IL1RAPL2: variants seen among roughly 807,000 people sequenced by gnomAD.
IL1RAPL2 encodes the protein interleukin 1 receptor accessory protein like 2, also known as X-linked interleukin-1 receptor accessory protein-like 2.
A neutral mutation model predicts 44.1 loss-of-function variants in IL1RAPL2; 3 were observed. The ratio of observed to expected loss-of-function variants is 0.07; its 90% CI spans 0.03 to 0.18. IL1RAPL2 has a LOEUF of 0.18. Among genes scored for constraint, IL1RAPL2 ranks in the 10% least tolerant of loss-of-function variants. IL1RAPL2 has a pLI of 1.00. For missense variants in IL1RAPL2, 391 were observed against 496.4 expected, an observed-to-expected ratio of 0.79 and a Z score of 2.02; for synonymous variants, 181 against 178.8, an observed-to-expected ratio of 1.01 and a Z score of -0.10.
intron 2 of IL1RAPL2, among the ~76,000 whole-genome samples, chrX:105,109,353 G>A (rs995279982): frequency 6.2e-5 from 7 of 112,004 alleles, no homozygotes; most frequent in Non-Finnish European, 7.5e-5. Flanking sequence ...CGTAGACACT[G>A]CCCACATCTG....
At chrX:104,585,076 A>G (rs1020287498) in intron 1 of IL1RAPL2, among the ~76,000 whole-genome samples, 1 of 96,898 alleles carries the variant, frequency 1.0e-5, no homozygotes, top group African/African-American at 3.8e-5. Context: ...TTTGGAATCA[A>G]TCCTTCCACA....
At chrX:105,005,934 A>T (rs1383367031) in intron 2 of IL1RAPL2, among the ~76,000 whole-genome samples, 2 of 110,829 alleles carry the variant, frequency 1.8e-5, no homozygotes, top group African/African-American at 6.5e-5. Flanking sequence ...TCCAAAAGTA[A>T]TAATTTCTGA....
At chrX:105,541,529 G>T (rs1036348029) in intron 6 of IL1RAPL2, among the ~76,000 whole-genome samples, 1 of 111,472 alleles carries the variant, frequency 9.0e-6, no homozygotes, top group Non-Finnish European at 1.9e-5. Context: ...GGACAAAGTA[G>T]TTGGGGCAGA....
chrX:105,359,407 A>G (rs898933718), intron 5 of IL1RAPL2, among the ~76,000 whole-genome samples: 9 of 111,801 alleles, frequency 8.1e-5, no homozygotes, highest in East Asian at 2.8e-4. Context: ...TAAAGGTACT[A>G]TGTTGTGCTG....
rs749812424 is a variant in IL1RAPL2, at chrX:105,474,812, A to AT, written c.698-9493dup. On this transcript the variant is annotated intron_variant, in intron 5 of 10. Transcript: ENST00000372582. ...TTCTTTCCTTTTTATTTATTTATTT[A>AT]TTTTTTTTGGTGATGCTTATATGGA... Among the ~76,000 whole-genome samples, 10 of 109,488 alleles carry AT rather than the reference A, an allele frequency of 9.1e-5. No individual in the cohort carries two copies. The East Asian group carries it at 1.1e-3, about 13-fold the overall frequency.
chrX:105,397,868 C>A (rs750206063), intron 5 of IL1RAPL2, among the ~76,000 whole-genome samples: 6 of 110,873 alleles, frequency 5.4e-5, no homozygotes, highest in African/African-American at 2.0e-4. Context: ...CTTCTTCTCT[C>A]CCCCACTTAC....
intron 2 of IL1RAPL2, among the ~76,000 whole-genome samples, chrX:104,665,649 G>A (rs1443111873): frequency 2.7e-5 from 3 of 110,774 alleles, no homozygotes; most frequent in East Asian, 2.8e-4. Flanking sequence ...CATACTGTAC[G>A]TACTATTCTC....
At chrX:105,618,121 TCACACACACA>T (rs746820303) in intron 6 of IL1RAPL2, among the ~76,000 whole-genome samples, 1 of 101,221 alleles carries the variant, frequency 9.9e-6, no homozygotes, top group Non-Finnish European at 2.0e-5. Flanking sequence ...TCTCTCTCAC[TCACACACACA>T]CACACACACA....
intron 2 of IL1RAPL2, among the ~76,000 whole-genome samples, chrX:105,156,781 A>G (rs2147592316): frequency 8.9e-6 from 1 of 112,401 alleles, no homozygotes; most frequent in Admixed American, 9.4e-5. Flanking sequence ...CAAAATATTT[A>G]TTTGATCTCG....
chrX:105,064,765 G>A (rs2032116847), intron 2 of IL1RAPL2, among the ~76,000 whole-genome samples: 1 of 111,782 alleles, frequency 8.9e-6, no homozygotes, highest in African/African-American at 3.3e-5. Context: ...ATGTTGAGTA[G>A]GCTGAGGAGG....
At chrX:105,558,940 T>G (rs1442585031) in intron 6 of IL1RAPL2, among the ~76,000 whole-genome samples, 1 of 111,980 alleles carries the variant, frequency 8.9e-6, no homozygotes, top group East Asian at 2.8e-4. Context: ...TTCATTCCCT[T>G]GGCATAGATT....
intron 1 of IL1RAPL2, among the ~76,000 whole-genome samples, chrX:104,635,951 G>GT (rs1452891722): frequency 3.6e-5 from 4 of 111,669 alleles, no homozygotes; most frequent in Non-Finnish European, 3.8e-5. Flanking sequence ...TTTCTGCTCT[G>GT]TTTTTTCCCC....
chrX:105,358,574 G>A (rs1454904611), intron 5 of IL1RAPL2, among the ~76,000 whole-genome samples: 1 of 107,045 alleles, frequency 9.3e-6, no homozygotes, highest in Non-Finnish European at 1.9e-5. Context: ...TACTCAAGAC[G>A]ATGAGGTGGA....
At chrX:105,043,029 G>A (rs1178762407) in intron 2 of IL1RAPL2, among the ~76,000 whole-genome samples, 4 of 92,441 alleles carry the variant, frequency 4.3e-5, no homozygotes, top group Admixed American at 1.3e-4. Flanking sequence ...ATTGAACAAT[G>A]AGAACACATG....
At chrX:104,784,622 A>C (rs778081148) in intron 2 of IL1RAPL2, among the ~76,000 whole-genome samples, 1 of 110,731 alleles carries the variant, frequency 9.0e-6, no homozygotes, top group East Asian at 2.9e-4. Flanking sequence ...GATTATCCAC[A>C]CATAACCCTT....
At chrX:104,708,558 G>T (rs764320948) in intron 2 of IL1RAPL2, among the ~76,000 whole-genome samples, 1 of 111,175 alleles carries the variant, frequency 9.0e-6, no homozygotes, top group Admixed American at 9.6e-5. Context: ...ATACTTATCT[G>T]ATTTTTAATT....
At chrX:104,642,372 C>A (rs1929951091) in intron 1 of IL1RAPL2, among the ~76,000 whole-genome samples, 1 of 112,222 alleles carries the variant, frequency 8.9e-6, no homozygotes, top group African/African-American at 3.2e-5. Context: ...TATGGGTATG[C>A]CATAATTTAT....
At chrX:104,645,727 T>C (rs954850026) in intron 1 of IL1RAPL2, among the ~76,000 whole-genome samples, 3 of 112,869 alleles carry the variant, frequency 2.7e-5, no homozygotes, top group Non-Finnish European at 3.8e-5. Context: ...ATACCTATCA[T>C]GTTCCCATTG....
rs187279210 is a variant in IL1RAPL2, at chrX:105,196,808, G to A, written c.356+1060G>A. ...AGGTATTGAAGTAGGTAGCTGAGAC[G>A]ACCTTTAGGCCACCTTTCAATTCTG... is the stretch of plus-strand genomic sequence containing the variant. On this transcript the variant is annotated intron_variant, in intron 3 of 10. Coordinates refer to ENST00000372582, the MANE Select transcript of IL1RAPL2 (RefSeq NM_017416.2). Among the ~76,000 whole-genome samples the A allele has an allele frequency of 1.2e-4, 13 of 111,372 alleles. No individual in the cohort carries two copies. The East Asian group carries it at 3.4e-3, about 29-fold the overall frequency.
Sources: allele counts gnomAD v4.1 joint callset (sites outside exome capture counted in the v4.1 genomes callset), GRCh38; gene constraint gnomAD v4.1.1; transcripts MANE v1.5; gene names NCBI Gene and HGNC (gene_info 2026-07-23, HGNC 2026-07-21).